Variants in KCNAB1 observed in about 807,000 individuals in gnomAD.
KCNAB1 encodes voltage-gated potassium channel subunit beta-1.
Under a neutral mutation model 64.6 loss-of-function variants are expected in KCNAB1, and 35 were observed. That is an observed-to-expected ratio of 0.54 (90% confidence interval 0.41 to 0.72). The LOEUF (loss-of-function observed/expected upper bound fraction) is 0.72, where lower values mean the gene tolerates loss of function less well. KCNAB1 is among the 30% of genes least tolerant of loss of function. The pLI is 0.00. For synonymous variants in KCNAB1, 177 were observed against 183.8 expected, an observed-to-expected ratio of 0.96 and a Z score of 0.30; for missense variants, 401 against 512.9, an observed-to-expected ratio of 0.78 and a Z score of 2.11.
intron 1 of KCNAB1, among the ~76,000 whole-genome samples, chr3:156,185,055 G>A (rs1713100663): frequency 1.3e-5 from 2 of 152,342 alleles, no homozygotes; most frequent in African/African-American, 4.8e-5. Context: ...AGGCCACACA[G>A]AAAGAAAGTG....
At chr3:156,177,653 A>G (rs1712489923) in intron 1 of KCNAB1, among the ~76,000 whole-genome samples, 1 of 151,910 alleles carries the variant, frequency 6.6e-6, no homozygotes, top group Non-Finnish European at 1.5e-5. Context: ...CTGGGATTAC[A>G]TGCGTGAGCC....
At chr3:156,258,399 T>C (rs1718227141) in intron 1 of KCNAB1, among the ~76,000 whole-genome samples, 1 of 152,224 alleles carries the variant, frequency 6.6e-6, no homozygotes, top group African/African-American at 2.4e-5. Context: ...CTTTTTTCTA[T>C]CATGTACTGT....
intron 1 of KCNAB1, among the ~76,000 whole-genome samples, chr3:156,173,070 T>G (rs981049613): frequency 1.3e-5 from 2 of 152,222 alleles, no homozygotes; most frequent in African/African-American, 2.4e-5. Context: ...TAGAAAAGGC[T>G]TCTCCTCTGG....
intron 1 of KCNAB1, chr3:156,382,336 G>A (rs1712228557): frequency 6.6e-6 from 1 of 152,112 alleles, no homozygotes; most frequent in Admixed American, 6.5e-5. Flanking sequence ...TACAAAATTA[G>A]CTGGGCATGG....
rs114735521 is a variant in KCNAB1, at chr3:156,308,888, A to G, written c.276-112728A>G. 7.8e-3 allele frequency among the ~76,000 whole-genome samples: 1,191 copies of G among 152,318 alleles called. 19 individuals are homozygous for G. The highest frequency in any genetic ancestry group is 0.027 in the African/African-American group (1,138 of 41,554). On this transcript the variant is annotated intron_variant, in intron 1 of 13. Transcript: ENST00000490337. ...CATTTTTCAACTGATGGAACATTAG[A>G]ATTTAGGAAATATATAATATAAAAC...
chr3:156,223,274 G>A (rs977347676), intron 1 of KCNAB1, among the ~76,000 whole-genome samples: 1 of 152,198 alleles, frequency 6.6e-6, no homozygotes, highest in African/African-American at 2.4e-5. Flanking sequence ...AAGAGTGAAA[G>A]AACAAAGCTT....
chr3:156,123,119 A>G lies in KCNAB1; in HGVS notation c.275+2233A>G, dbSNP rs537086566. ...GTTCTTTCTTCCAATAACATGGCCC[A>G]TGAGTGATATCTCCATTAGAAACTT... is the stretch of plus-strand genomic sequence containing the variant. On this transcript the variant is annotated intron_variant, in intron 1 of 13. Transcript: ENST00000490337. Among the ~76,000 whole-genome samples the G allele has an allele frequency of 1.6e-3, 242 of 152,354 alleles. 1 individual carries two copies. The highest frequency in any genetic ancestry group is 5.3e-3 in the African/African-American group (219 of 41,584).
chr3:156,182,695 A>ATTTTTTTTTTTTTTTTTTTTTT (rs10624040), intron 1 of KCNAB1, among the ~76,000 whole-genome samples: 14 of 132,718 alleles, frequency 1.1e-4, no homozygotes, highest in Non-Finnish European at 2.2e-4. Flanking sequence ...AAGTAAGACA[A>ATTTTTTTTTTTTTTTTTTTTTT]TTTTTTTTTT....
chr3:156,183,471 T>G (rs1485778398), intron 1 of KCNAB1, among the ~76,000 whole-genome samples: 1 of 152,224 alleles, frequency 6.6e-6, no homozygotes, highest in Non-Finnish European at 1.5e-5. Context: ...CCAGAAATCC[T>G]ACACTAACTG....
At chr3:156,271,815 T>C (rs1719053631) in intron 1 of KCNAB1, among the ~76,000 whole-genome samples, 1 of 152,218 alleles carries the variant, frequency 6.6e-6, no homozygotes, top group Non-Finnish European at 1.5e-5. Flanking sequence ...CAGCCTGGGC[T>C]TGTCTGTACC....
chr3:156,270,916 A>T (rs1393875550), intron 1 of KCNAB1, among the ~76,000 whole-genome samples: 1 of 152,078 alleles, frequency 6.6e-6, no homozygotes, highest in African/African-American at 2.4e-5. Context: ...GGAAGTCTTT[A>T]TTTCTTCTGC....
chr3:156,367,591 G>A (rs971732827), intron 1 of KCNAB1, among the ~76,000 whole-genome samples: 2 of 152,146 alleles, frequency 1.3e-5, no homozygotes, highest in African/African-American at 2.4e-5. Flanking sequence ...TTCAAAAATT[G>A]CAGCTGGTAC....
At chr3:156,344,297 G>A (rs1437917856) in intron 1 of KCNAB1, among the ~76,000 whole-genome samples, 3 of 152,148 alleles carry the variant, frequency 2.0e-5, no homozygotes, top group Admixed American at 6.6e-5. Flanking sequence ...TTTGCCTTGC[G>A]ACAAAGAACT....
intron 12 of KCNAB1, among the ~76,000 whole-genome samples, chr3:156,528,774 C>T (rs967580517): frequency 6.6e-6 from 1 of 152,142 alleles, no homozygotes; most frequent in Admixed American, 6.5e-5. Flanking sequence ...CAGGTGAGTG[C>T]TCCTGAAGCA....
At chr3:156,122,266 C>G (rs1280405044) in intron 1 of KCNAB1, among the ~76,000 whole-genome samples, 12 of 152,178 alleles carry the variant, frequency 7.9e-5, no homozygotes, top group Admixed American at 7.8e-4. Flanking sequence ...TATCTCACAT[C>G]TACAAATCTT....
chr3:156,522,477 C>T (rs1325576934), intron 11 of KCNAB1, among the ~76,000 whole-genome samples: 1 of 152,156 alleles, frequency 6.6e-6, no homozygotes, highest in South Asian at 2.1e-4. Context: ...CCAGGCCACT[C>T]TTCTTTTTGA....
rs141824971 is a variant in KCNAB1 at position 156,212,729 on chromosome 3, T to G, written c.275+91843T>G. Among the ~76,000 whole-genome samples the G allele has an allele frequency of 4.2e-4, 64 of 152,210 alleles. 2 individuals carry two copies. Among genetic ancestry groups the G allele is most frequent in the African/African-American group, 1.4e-3 (59 of 41,536 alleles). On this transcript the variant is annotated intron_variant, in intron 1 of 13. Transcript: ENST00000490337. ...GTAGGCACAGAGGGGAGGCGAGCAC[T>G]TCAGGCAGAGGAACTGCAAGGAAGC...
At chr3:156,372,579 A>G (rs993514300) in intron 1 of KCNAB1, among the ~76,000 whole-genome samples, 19 of 152,234 alleles carry the variant, frequency 1.2e-4, no homozygotes, top group African/African-American at 4.1e-4. Context: ...TTTGAGAACC[A>G]CTGAATTGTA....
intron 1 of KCNAB1, among the ~76,000 whole-genome samples, chr3:156,137,324 G>C (rs1271321137): frequency 6.6e-6 from 1 of 152,064 alleles, no homozygotes; most frequent in Non-Finnish European, 1.5e-5. Flanking sequence ...CTACCTTTGG[G>C]TCTAGGGAGA....
Sources: allele counts gnomAD v4.1 joint callset (sites outside exome capture counted in the v4.1 genomes callset), GRCh38; gene constraint gnomAD v4.1.1; transcripts MANE v1.5; gene names NCBI Gene and HGNC (gene_info 2026-07-23, HGNC 2026-07-21).